The following PHTF2 variants were observed in gnomAD, a reference collection of about 807,000 sequenced individuals.
PHTF2 encodes protein PHTF2.
PHTF2 carries 60 observed loss-of-function variants against 101.2 expected under a neutral mutation model. The ratio of observed to expected loss-of-function variants is 0.59; its 90% CI spans 0.48 to 0.73. PHTF2 has a LOEUF of 0.73. Ranked by LOEUF, PHTF2 falls within the 30% of genes least tolerant of loss-of-function variation. The pLI is 0.00. For missense variants in PHTF2, 747 were observed against 908.7 expected (o/e 0.82, Z 2.29); for synonymous variants, 311 against 307.3 (o/e 1.01, Z -0.13).
At chr7:77,887,084 T>TA (rs769216636) in intron 3 of PHTF2, among the ~76,000 whole-genome samples, 62 of 151,340 alleles carry the variant, frequency 4.1e-4, no homozygotes, top group Non-Finnish European at 7.8e-4. Context: ...ACAATGAATA[T>TA]AAGGCAGAAA....
chr7:77,876,734 T>TAAATA (rs879808992), intron 3 of PHTF2, among the ~76,000 whole-genome samples: 3 of 151,852 alleles, frequency 2.0e-5, no homozygotes, highest in Admixed American at 6.6e-5. Flanking sequence ...CTCTACAAAA[T>TAAATA]AAATAAAATA....
chr7:77,915,275 G>A (rs1408268882), intron 9 of PHTF2, among the ~76,000 whole-genome samples: 6 of 150,940 alleles, frequency 4.0e-5, no homozygotes, highest in Non-Finnish European at 7.4e-5. Flanking sequence ...CTGGAGTGCA[G>A]TGGTGCAATC....
intron 16 of PHTF2, among the ~76,000 whole-genome samples, chr7:77,947,826 C>CTTTCTTTTTTTTTTTTTTTTTTTTTTTTT (rs1562976127): frequency 4.6e-5 from 4 of 86,934 alleles, no homozygotes; most frequent in African/African-American, 1.9e-4. Context: ...TTTCTTTTTT[C>CTTTCTTTTTTTTTTTTTTTTTTTTTTTTT]TTTTTTCTTT....
chr7:77,798,780 C>T (rs1372302955), upstream of PHTF2: 2 of 152,494 alleles, frequency 1.3e-5, no homozygotes, highest in East Asian at 1.9e-4. Context: ...CCCATCCTCC[C>T]TGCCCGCGCG....
chr7:77,872,475 A>G (rs563346080), intron 3 of PHTF2, among the ~76,000 whole-genome samples: 1 of 152,346 alleles, frequency 6.6e-6, no homozygotes, highest in African/African-American at 2.4e-5. Flanking sequence ...CCAGAGCTCT[A>G]CATGAGTCAG....
intron 12 of PHTF2, among the ~76,000 whole-genome samples, chr7:77,934,273 T>A (rs1407635860): frequency 1.3e-5 from 2 of 152,260 alleles, no homozygotes; most frequent in African/African-American, 4.8e-5. Context: ...TTTCATTGTT[T>A]TATTTTGTTT....
chr7:77,827,070 A>G (rs922620588), intron 1 of PHTF2, among the ~76,000 whole-genome samples: 1 of 152,212 alleles, frequency 6.6e-6, no homozygotes, highest in Admixed American at 6.5e-5. Context: ...AAGTATAAGC[A>G]TGTTGATTAT....
At chr7:77,868,712 G>A (rs377518407) in intron 3 of PHTF2, among the ~76,000 whole-genome samples, 1 of 152,142 alleles carries the variant, frequency 6.6e-6, no homozygotes, top group African/African-American at 2.4e-5. Flanking sequence ...TAGGAAGGTA[G>A]CATTAGATAA....
chr7:77,853,151 CT>C (rs1225209236), intron 2 of PHTF2, among the ~76,000 whole-genome samples: 1 of 152,038 alleles, frequency 6.6e-6, no homozygotes, highest in Non-Finnish European at 1.5e-5. Flanking sequence ...TTTGAGTAAA[CT>C]TTTTACCCCA....
Position 77,893,590 on chromosome 7 carries a change from A to C in PHTF2, c.148-18A>C. 1 of 1,167,480 alleles carries C rather than the reference A, an allele frequency of 8.6e-7. No individual in the cohort carries two copies. Among genetic ancestry groups the C allele is most frequent in the Non-Finnish European group, 1.3e-6 (1 of 796,866 alleles). The allele number at this position is 1,167,480 out of a possible 1,614,324, so 72.3% of individuals were successfully genotyped here. On this transcript the variant is annotated intron_variant, in intron 3 of 19. Coordinates refer to ENST00000416283, the Ensembl canonical transcript of PHTF2. The stretch of plus-strand genomic sequence containing the variant: ...GGTACCAGCAATGACCATTTAATGT[A>C]GTGTCTTCTTTTCATAGATTGGAGC...
exon 14 of PHTF2, chr7:77,940,148 C>G (rs779297201): frequency 1.9e-6 from 3 of 1,613,728 alleles, no homozygotes; most frequent in African/African-American, 2.7e-5. Context: ...GAACAACTCA[C>G]AGCACATTCT....
chr7:77,807,117 A>G (rs564517826), intron 1 of PHTF2, among the ~76,000 whole-genome samples: 39 of 152,298 alleles, frequency 2.6e-4, no homozygotes, highest in African/African-American at 9.1e-4. Flanking sequence ...ATATGTATGT[A>G]CTGTTTTGTT....
chr7:77,895,333 G>A (rs1800784142), intron 5 of PHTF2, among the ~76,000 whole-genome samples: 1 of 152,070 alleles, frequency 6.6e-6, no homozygotes, highest in Non-Finnish European at 1.5e-5. Flanking sequence ...CATTTAATGG[G>A]TAGGTAAATA....
intron 3 of PHTF2, among the ~76,000 whole-genome samples, chr7:77,891,914 T>A (rs1800459822): frequency 6.6e-6 from 1 of 151,760 alleles, no homozygotes; most frequent in Admixed American, 6.6e-5. Flanking sequence ...AATAAAAGAG[T>A]CACAGGAAAG....
At chr7:77,839,126 G>C (rs1447594319) in intron 1 of PHTF2, among the ~76,000 whole-genome samples, 2 of 152,184 alleles carry the variant, frequency 1.3e-5, no homozygotes, top group African/African-American at 4.8e-5. Flanking sequence ...AGATCTGTAT[G>C]TGCTAGGATT....
intron 1 of PHTF2, among the ~76,000 whole-genome samples, chr7:77,829,075 G>T (rs140638236): frequency 1.5e-4 from 23 of 152,110 alleles, no homozygotes; most frequent in Non-Finnish European, 3.1e-4. Context: ...CCAGCTACTC[G>T]AGAGGCTGAG....
chr7:77,841,954 TTAGAC>T (rs1708433101), intron 2 of PHTF2, among the ~76,000 whole-genome samples: 2 of 152,144 alleles, frequency 1.3e-5, no homozygotes, highest in African/African-American at 4.8e-5. Context: ...ATTAAACACT[TTAGAC>T]TTTACTGAAG....
intron 15 of PHTF2, among the ~76,000 whole-genome samples, chr7:77,941,123 C>A (rs1197325797): frequency 6.6e-6 from 1 of 152,090 alleles, no homozygotes; most frequent in East Asian, 1.9e-4. Flanking sequence ...AGTAATCATG[C>A]AAATTCCAAT....
intron 2 of PHTF2, among the ~76,000 whole-genome samples, chr7:77,842,205 A>G (rs1222017228): frequency 6.6e-6 from 1 of 152,024 alleles, no homozygotes; most frequent in East Asian, 1.9e-4. Context: ...TATTATATAT[A>G]TATTTATTTA....
Sources: allele counts gnomAD v4.1 joint callset (sites outside exome capture counted in the v4.1 genomes callset), GRCh38; gene constraint gnomAD v4.1.1; transcripts MANE v1.5; gene names NCBI Gene and HGNC (gene_info 2026-07-23, HGNC 2026-07-21).